Variants in NAB2 observed in about 807,000 individuals in gnomAD.
NAB2 encodes NGFI-A-binding protein 2.
NAB2 carries 9 observed loss-of-function variants against 44.2 expected under a neutral mutation model. The observed-to-expected ratio is 0.20, with a 90% CI of 0.12 to 0.36. The LOEUF is 0.36. Among genes scored for constraint, NAB2 ranks in the 10% least tolerant of loss-of-function variants. The pLI is 1.00. For synonymous variants in NAB2, 342 were observed against 291.0 expected (o/e 1.18, Z -1.78); for missense variants, 514 against 709.0 (o/e 0.73, Z 3.12).
intron 2 of NAB2, 69 bp from the exon 3 acceptor site, chr12:57,092,379 T>C: frequency 1.3e-6 from 2 of 1,580,668 alleles, no homozygotes; most frequent in Non-Finnish European, 8.6e-7. Flanking sequence ...GGTGAAGGGG[T>C]GTGAGGAGGT....
At position 57,094,604 on chromosome 12, in the gene NAB2, C is replaced by T; in HGVS notation, c.1469-8C>T. ...TGCAGTCTCCTAACTGCCCCCTTTTCCCTGCAGAGTTCGAGGAAGGGCTGC... is the reference window on the plus strand; with the variant it reads ...TGCAGTCTCCTAACTGCCCCCTTTTTCCTGCAGAGTTCGAGGAAGGGCTGC... On this transcript the variant is annotated splice_polypyrimidine_tract_variant and splice_region_variant and intron_variant, in intron 6 of 6. Coordinates refer to ENST00000300131, the MANE Select transcript of NAB2 (RefSeq NM_005967.4). 2.6e-6 allele frequency: 4 copies of T among 1,550,676 alleles called. No homozygotes were observed. Among genetic ancestry groups the T allele is most frequent in the Non-Finnish European group, 2.6e-6 (3 of 1,146,246 alleles).
At chr12:57,092,400 A>T (rs745860272) in intron 2 of NAB2, 48 bp from the exon 3 acceptor site, 2 of 1,604,430 alleles carry the variant, frequency 1.2e-6, no homozygotes, top group East Asian at 2.2e-5. Context: ...CTGGTGAGGC[A>T]GCGGGGAAGT....
intron 1 of NAB2, among the ~76,000 whole-genome samples, chr12:57,090,696 G>A (rs985377229): frequency 6.6e-6 from 1 of 152,294 alleles, no homozygotes; most frequent in Non-Finnish European, 1.5e-5. Context: ...ACTTTAGTAT[G>A]GGTGACTTCA....
Position 57,091,795 on chromosome 12 carries a change from A to G in NAB2, c.754A>G (p.Ile252Val). 1 of 1,614,118 alleles carries G rather than the reference A, an allele frequency of 6.2e-7. No individual in the cohort carries two copies. Among genetic ancestry groups the G allele is most frequent in the Non-Finnish European group, 8.5e-7 (1 of 1,179,980 alleles). Residue 252 changes from isoleucine (I) to valine (V), a missense_variant, in exon 2 of 7, where the codon ATC (isoleucine) becomes GTC (valine). Ile to Val is a conservative substitution (Grantham distance 29). Around this residue, in one of 5 missense-constraint regions of NAB2, gnomAD observed 177 missense variants for 200.5 expected, o/e 0.88. Coordinates refer to ENST00000300131, the MANE Select transcript of NAB2 (RefSeq NM_005967.4). This position sits in a 1 kb window ranked among gnomAD's most constrained non-coding sequence, Gnocchi z 7.3. ...VRMVVESVER[I>V]FRSFPRGDAG... ...CATGGTGGTGGAAAGTGTGGAGAGG[A>G]TCTTCCGGAGCTTCCCAAGGGGGGA...
chr12:57,091,914 G>A lies in NAB2; in HGVS notation c.873G>A (p.Lys291=). The change falls in exon 2 of 7, where the codon AAG becomes AAA. Residue 291 remains lysine, a synonymous_variant. Coordinates refer to ENST00000300131, the MANE Select transcript of NAB2 (RefSeq NM_005967.4). This position sits in a 1 kb window ranked among gnomAD's most constrained non-coding sequence, Gnocchi z 7.3. ...IFEMDDNDSQ[K]EEEIRKYSII... The stretch of plus-strand genomic sequence containing the variant: ...AGATGGATGATAATGACAGCCAGAA[G>A]GAAGAGGAGATCCGCAAATACAGCA... The A allele has an allele frequency of 6.2e-7, 1 of 1,614,184 alleles. No homozygotes were observed. The highest frequency in any genetic ancestry group is 8.5e-7 in the Non-Finnish European group (1 of 1,180,012).
chr12:57,092,709 G>A, intron 3 of NAB2, 128 bp downstream of exon 3: 1 of 1,383,602 alleles, frequency 7.2e-7, no homozygotes. Flanking sequence ...TTTTGGCCAA[G>A]TCAGCTTGTC....
chr12:57,090,248 G>A (rs538330692), intron 1 of NAB2, among the ~76,000 whole-genome samples: 60 of 152,312 alleles, frequency 3.9e-4, no homozygotes, highest in African/African-American at 1.4e-3. Context: ...CACTTTGGGA[G>A]GCTGAGGCGG....
Position 57,089,332 on chromosome 12 carries a change from C to G in NAB2, c.61C>G (p.Arg21Gly). Residue 21 changes from arginine (R) to glycine (G), a missense_variant, in exon 1 of 7, where the codon CGG (arginine) becomes GGG (glycine). Arg to Gly is a moderately radical substitution (Grantham distance 125). Around this residue, in one of 5 missense-constraint regions of NAB2, gnomAD observed 56 missense variants for 45.5 expected, o/e 1.23. Transcript: ENST00000300131. Reference protein sequence around the residue: ...QPPGGGDSARRTLQPRLKPSA... With the variant: ...QPPGGGDSARGTLQPRLKPSA... ...GCCGGGCGGAGGGGACAGCGCCCGC[C>G]GGACCCTGCAGCCCAGACTCAAGTT... The G allele has an allele frequency of 2.5e-6, 4 of 1,575,638 alleles. No individual in the cohort carries two copies. The highest frequency in any genetic ancestry group is 2.3e-5 in the South Asian group (2 of 86,152).
Position 57,089,179 on chromosome 12 carries a change from G to A in NAB2, c.-93G>A. ...GAGGGACAGAGCCTGGACAGCGGTG[G>A]ACACGGCATCGTGCGCGGGGAAGAG... On this transcript the variant is annotated 5_prime_UTR_variant, in exon 1 of 7. Transcript: ENST00000300131. The A allele has an allele frequency of 1.5e-6, 2 of 1,322,836 alleles. No homozygotes were observed. The highest frequency in any genetic ancestry group is 1.1e-6 in the Non-Finnish European group (1 of 950,874). 81.9% of individuals were successfully genotyped at this position (1,322,836 alleles called of 1,614,324 possible).
chr12:57,092,299 A>T, intron 2 of NAB2, 149 bp from the exon 3 acceptor site: 1 of 1,240,068 alleles, frequency 8.1e-7, no homozygotes, highest in Non-Finnish European at 1.1e-6. Flanking sequence ...CTGTCTTCCC[A>T]CCTCAGAAAG....
chr12:57,092,971 A>C lies in NAB2; in HGVS notation c.1143+3A>C. ...CACTGAAGAAGCTGAAACAAGAGGT[A>C]TGTTTTCCGGGGTGCATATAGGGGC... On this transcript the variant is annotated splice_donor_region_variant and intron_variant, in intron 4 of 6. Coordinates refer to ENST00000300131, the MANE Select transcript of NAB2 (RefSeq NM_005967.4). 6.2e-7 allele frequency: 1 copy of C among 1,614,174 alleles called. No homozygotes were observed. Among genetic ancestry groups the C allele is most frequent in the Non-Finnish European group, 8.5e-7 (1 of 1,180,028 alleles).
rs891910601 is a variant in NAB2, at chr12:57,089,283, G to A, written c.12G>A (p.Ala4=). The change falls in exon 1 of 7, where the codon GCG becomes GCA. Residue 4 remains alanine, a synonymous_variant. Transcript: ENST00000300131. ...ATCTCCGGCCGTCCATGCACAGAGC[G>A]CCTTCCCCCACAGCCGAGCAGCCGC... MHR[A]PSPTAEQPPG... The A allele has an allele frequency of 6.3e-7, 1 of 1,575,710 alleles. No homozygotes were observed. Among genetic ancestry groups the A allele is most frequent in the Non-Finnish European group, 8.6e-7 (1 of 1,161,020 alleles).
rs1176276976 is a variant in NAB2, at chr12:57,094,845, C to T, written c.*124C>T. On this transcript the variant is annotated 3_prime_UTR_variant, in exon 7 of 7. Coordinates refer to ENST00000300131, the MANE Select transcript of NAB2 (RefSeq NM_005967.4). The stretch of plus-strand genomic sequence containing the variant: ...TTCCTCTGCCCTTCTCCTGCCTCCC[C>T]ACCTGCTCCATGGGCATAAGACTGT... 1.9e-5 allele frequency: 14 copies of T among 740,418 alleles called. No homozygotes were observed. The highest frequency in any genetic ancestry group is 2.2e-5 in the Non-Finnish European group (10 of 454,778). The allele number at this position is 740,418 out of a possible 1,614,324, so 45.9% of individuals were successfully genotyped here.
intron 6 of NAB2, 80 bp downstream of exon 6, chr12:57,093,678 G>A (rs886211897): frequency 2.2e-6 from 3 of 1,361,524 alleles, no homozygotes; most frequent in African/African-American, 1.5e-5. Context: ...CTGGGGCCAG[G>A]TGGGAGGAAG....
Position 57,089,235 on chromosome 12 carries a change from C to G in NAB2, c.-37C>G. The G allele has an allele frequency of 6.4e-7, 1 of 1,552,074 alleles. No homozygotes were observed. Among genetic ancestry groups the G allele is most frequent in the Non-Finnish European group, 8.7e-7 (1 of 1,147,404 alleles). On this transcript the variant is annotated 5_prime_UTR_variant, in exon 1 of 7. Coordinates refer to ENST00000300131, the MANE Select transcript of NAB2 (RefSeq NM_005967.4). ...CACGCAGCAGGCGCCGAGCGCCGGG[C>G]ACCGAGAAGGGCAGCCCGGGTGATC...
intron 6 of NAB2, 151 bp downstream of exon 6, chr12:57,093,749 G>A: frequency 2.4e-6 from 2 of 830,112 alleles, no homozygotes; most frequent in South Asian, 1.9e-5. Context: ...CAGGCCTTGG[G>A]GTGCAGAGAG....
rs565645755 is a variant in NAB2 at position 57,091,158 on chromosome 12, G to A, written c.117G>A (p.Thr39=). 25 of 1,529,918 alleles carry A rather than the reference G, an allele frequency of 1.6e-5. 1 individual carries two copies. The South Asian group carries it at 2.8e-4, about 17-fold the overall frequency. 94.8% of individuals were successfully genotyped at this position (1,529,918 alleles called of 1,614,324 possible). ...CCCGAGCCATGGCACTGCCTCGGAC[G>A]CTGGGGGAGCTGCAGCTGTACCGGG... is the stretch of plus-strand genomic sequence containing the variant. ...PSARAMALPR[T]LGELQLYRVL... The change falls in exon 2 of 7, where the codon ACG becomes ACA. Residue 39 remains threonine (T), a synonymous_variant. Coordinates refer to ENST00000300131, the MANE Select transcript of NAB2 (RefSeq NM_005967.4). This position sits in a 1 kb window ranked among gnomAD's most constrained non-coding sequence, Gnocchi z 7.3.
At chr12:57,092,106 G>C in intron 2 of NAB2, 108 bp downstream of exon 2, 1 of 1,463,730 alleles carries the variant, frequency 6.8e-7, no homozygotes, top group South Asian at 1.4e-5. Flanking sequence ...CTCTTGACCA[G>C]GACCCCAGGC....
Position 57,089,225 on chromosome 12 carries a change from G to T in NAB2, c.-47G>T, listed in dbSNP as rs1189891075. 5 of 1,543,392 alleles carry T rather than the reference G, an allele frequency of 3.2e-6. No individual in the cohort carries two copies. Among genetic ancestry groups the T allele is most frequent in the Admixed American group, 3.9e-5 (2 of 51,028 alleles). ...AAGAGGGCAGCACGCAGCAGGCGCC[G>T]AGCGCCGGGCACCGAGAAGGGCAGC... On this transcript the variant is annotated 5_prime_UTR_variant, in exon 1 of 7. Coordinates refer to ENST00000300131, the MANE Select transcript of NAB2 (RefSeq NM_005967.4).
Sources: gnomAD v4.1 joint callset for allele counts (sites outside exome capture counted in the v4.1 genomes callset) on GRCh38, gnomAD v4.1.1 for gene constraint, gnomAD v4.1.1 regional missense constraint, Gnocchi (gnomAD v3.1) non-coding constraint, MANE v1.5 for transcripts, NCBI Gene and HGNC (gene_info 2026-07-23, HGNC 2026-07-21) for gene names.